PTPRJ: variants seen among roughly 807,000 people sequenced by gnomAD.
PTPRJ encodes receptor-type tyrosine-protein phosphatase eta.
A neutral mutation model predicts 141.3 loss-of-function variants in PTPRJ; 129 were observed. The ratio of observed to expected loss-of-function variants is 0.91; its 90% CI spans 0.79 to 1.06. PTPRJ has a LOEUF of 1.06. PTPRJ is among the 50% of genes least tolerant of loss of function. PTPRJ has a pLI of 0.00. For missense variants in PTPRJ, 1,601 were observed against 1,679.7 expected (o/e 0.95, Z 0.82); for synonymous variants, 610 against 640.5 (o/e 0.95, Z 0.72).
chr11:48,054,221 A>G (rs1382858943), intron 1 of PTPRJ, among the ~76,000 whole-genome samples: 3 of 152,248 alleles, frequency 2.0e-5, no homozygotes, highest in Admixed American at 2.0e-4. Flanking sequence ...GGCGTGAGCC[A>G]TGGCGCCCGG....
chr11:48,156,692 C>G (rs1009731617), intron 21 of PTPRJ, among the ~76,000 whole-genome samples: 6 of 151,286 alleles, frequency 4.0e-5, no homozygotes, highest in African/African-American at 7.3e-5. Flanking sequence ...TTCCTGGGCT[C>G]CCTCCCACTT....
chr11:47,990,772 AC>A (rs1191723184), intron 1 of PTPRJ, among the ~76,000 whole-genome samples: 1 of 131,794 alleles, frequency 7.6e-6, no homozygotes, highest in Non-Finnish European at 1.6e-5. Context: ...TGCAAGCTCC[AC>A]CTCCCGGGTT....
intron 1 of PTPRJ, among the ~76,000 whole-genome samples, chr11:48,047,757 A>G (rs918606852): frequency 6.6e-6 from 1 of 152,192 alleles, no homozygotes; most frequent in Non-Finnish European, 1.5e-5. Flanking sequence ...AAAGTTTTAG[A>G]AAACATAAGT....
chr11:48,160,510 A>T (rs993515002), intron 22 of PTPRJ, among the ~76,000 whole-genome samples: 1 of 152,238 alleles, frequency 6.6e-6, no homozygotes, highest in Non-Finnish European at 1.5e-5. Context: ...TACAAAAGCA[A>T]ATCCAATTAA....
At chr11:48,120,155 A>G (rs1303495926) in intron 3 of PTPRJ, among the ~76,000 whole-genome samples, 1 of 152,212 alleles carries the variant, frequency 6.6e-6, no homozygotes, top group Non-Finnish European at 1.5e-5. Flanking sequence ...GTGGTGTACT[A>G]GAGCTATCAA....
At chr11:48,089,507 C>T (rs1223714492) in intron 1 of PTPRJ, among the ~76,000 whole-genome samples, 1 of 113,610 alleles carries the variant, frequency 8.8e-6, no homozygotes, top group South Asian at 3.4e-4. Flanking sequence ...CGGAGCGAGA[C>T]TCCATCTCAA....
intron 19 of PTPRJ, 133 bp downstream of exon 19, chr11:48,154,019 ACCAT>A: frequency 1.4e-6 from 1 of 701,236 alleles, no homozygotes; most frequent in Non-Finnish European, 2.5e-6. Flanking sequence ...TACTTCCACA[ACCAT>A]CCATTATTCA....
At chr11:48,117,781 TAAAC>T (rs1306822271) in intron 3 of PTPRJ, among the ~76,000 whole-genome samples, 1 of 149,752 alleles carries the variant, frequency 6.7e-6, no homozygotes, top group Non-Finnish European at 1.5e-5. Context: ...AAAAGATCAA[TAAAC>T]TAAGTTGTTT....
At chr11:48,103,172 A>G (rs1297932106) in intron 1 of PTPRJ, among the ~76,000 whole-genome samples, 10 of 152,198 alleles carry the variant, frequency 6.6e-5, no homozygotes, top group Non-Finnish European at 1.2e-4. Context: ...TAATGAGAGC[A>G]GTTGCTCAGG....
At chr11:48,121,398 T>C (rs1386469255) in intron 4 of PTPRJ, 132 bp downstream of exon 4, 1 of 1,030,276 alleles carries the variant, frequency 9.7e-7, no homozygotes, top group Non-Finnish European at 1.4e-6. Context: ...AAAGGTGCTA[T>C]GTTGTTTCAA....
chr11:48,079,295 G>T (rs1590475310), intron 1 of PTPRJ, among the ~76,000 whole-genome samples: 1 of 152,082 alleles, frequency 6.6e-6, no homozygotes. Flanking sequence ...TGCAGTACGG[G>T]AGAGTTTTCC....
In PTPRJ at chr11:48,149,463, A is replaced by T; in HGVS notation, c.3016A>T (p.Asn1006Tyr). 1 of 1,520,912 alleles carries T rather than the reference A, an allele frequency of 6.6e-7. No homozygotes were observed. The highest frequency in any genetic ancestry group is 2.3e-5 in the East Asian group (1 of 43,592). 94.2% of individuals were successfully genotyped at this position (1,520,912 alleles called of 1,614,324 possible). ...WRKKRKDAKNNEVSFSQIKPK... is the reference protein window; with the variant it reads ...WRKKRKDAKNYEVSFSQIKPK... ...TTAAAACAGGAAAGATGCAAAGAAT[A>T]ATGAAGTGTCCTTTTCTCAAATTAA... is the stretch of plus-strand genomic sequence containing the variant. The change falls in exon 16 of 25, where the codon AAT becomes TAT. Residue 1006 changes from asparagine (N) to tyrosine (Y), a missense_variant. Physicochemically the swap from Asn to Tyr is moderately radical, Grantham distance 143. Coordinates refer to ENST00000418331, the MANE Select transcript of PTPRJ (RefSeq NM_002843.4).
chr11:48,130,266 G>T (rs919710313), intron 7 of PTPRJ, among the ~76,000 whole-genome samples, 193 bp from the exon 8 acceptor site: 4 of 152,016 alleles, frequency 2.6e-5, no homozygotes, highest in African/African-American at 7.3e-5. Context: ...GCACTCTCAT[G>T]ATCAAGTGCT....
At chr11:47,989,940 A>C (rs1422061759) in intron 1 of PTPRJ, among the ~76,000 whole-genome samples, 1 of 152,218 alleles carries the variant, frequency 6.6e-6, no homozygotes, top group Non-Finnish European at 1.5e-5. Flanking sequence ...AATGCTAATA[A>C]TAGGAGTACC....
intron 1 of PTPRJ, among the ~76,000 whole-genome samples, chr11:48,107,602 G>A (rs973673334): frequency 6.6e-5 from 10 of 152,304 alleles, no homozygotes; most frequent in African/African-American, 1.9e-4. Context: ...CAGCTATGGG[G>A]GCCAGCAGAA....
chr11:48,149,399 A>G (rs1353765745), intron 15 of PTPRJ, 48 bp from the exon 16 acceptor site: 1 of 1,277,410 alleles, frequency 7.8e-7, no homozygotes, highest in Non-Finnish European at 1.1e-6. Flanking sequence ...GGAAAAGCAC[A>G]GGAAGGAATC....
At position 48,136,239 on chromosome 11, in the gene PTPRJ, A is replaced by G. The variant is rs754636101; in HGVS notation, c.1816A>G (p.Ile606Val). 1.9e-6 allele frequency: 3 copies of G among 1,614,166 alleles called. No homozygotes were observed. The highest frequency in any genetic ancestry group is 1.3e-5 in the African/African-American group (1 of 75,032). ...TCCGGGCACCTTATATAACATCACC[A>G]TCTCTCCAGAAGTGGACCACGTCTG... ...LIPGTLYNIT[I>V]SPEVDHVWGD... Residue 606 changes from isoleucine (I) to valine (V), a missense_variant, in exon 9 of 25, where the codon ATC (isoleucine) becomes GTC (valine). Ile to Val is a conservative substitution (Grantham distance 29, BLOSUM62 3). Coordinates refer to ENST00000418331, the MANE Select transcript of PTPRJ (RefSeq NM_002843.4).
At chr11:48,136,354 G>A (rs1857103671) in intron 9 of PTPRJ, 58 bp downstream of exon 9, 2 of 1,571,172 alleles carry the variant, frequency 1.3e-6, no homozygotes, top group South Asian at 2.3e-5. Context: ...TCTTGGAGGA[G>A]GCACTGGTTA....
rs1477328749 is a variant in PTPRJ at position 48,168,575 on chromosome 11, T to C, written c.*1213T>C. 20 of 123,940 alleles carry C rather than the reference T, an allele frequency of 1.6e-4. No individual in the cohort carries two copies. The highest frequency in any genetic ancestry group is 3.0e-4 in the Non-Finnish European group (18 of 59,492). The allele number at this position is 123,940 out of a possible 1,614,324, so 7.7% of individuals were successfully genotyped here. A position where few individuals can be genotyped will look rare whatever the true frequency, so the allele number is the denominator to read the frequency against. On this transcript the variant is annotated 3_prime_UTR_variant, in exon 25 of 25. Transcript: ENST00000418331. ...ATATATATATATATATATATATATA[T>C]ATATATACACTAAGCTCTCAAAAAC... is the stretch of plus-strand genomic sequence containing the variant.
Sources: gnomAD v4.1 joint callset for allele counts (sites outside exome capture counted in the v4.1 genomes callset) on GRCh38, gnomAD v4.1.1 for gene constraint, MANE v1.5 for transcripts, NCBI Gene and HGNC (gene_info 2026-07-23, HGNC 2026-07-21) for gene names.